SLC10A7: variants seen among roughly 807,000 people sequenced by gnomAD.
SLC10A7 encodes sodium/bile acid cotransporter 7.
Under a neutral mutation model 43.2 loss-of-function variants are expected in SLC10A7, and 29 were observed. The observed-to-expected ratio is 0.67, with a 90% CI of 0.50 to 0.92. The LOEUF (loss-of-function observed/expected upper bound fraction) is 0.92, where lower values mean the gene tolerates loss of function less well. Ranked by LOEUF, SLC10A7 falls within the 40% of genes least tolerant of loss-of-function variation. SLC10A7 has a pLI of 0.00. For synonymous variants in SLC10A7, 152 were observed against 144.8 expected (o/e 1.05, Z -0.35); for missense variants, 295 against 403.2 (o/e 0.73, Z 2.30).
intron 5 of SLC10A7, among the ~76,000 whole-genome samples, chr4:146,437,955 G>A (rs202059336): frequency 1.3e-5 from 2 of 151,784 alleles, no homozygotes; most frequent in South Asian, 2.1e-4. Context: ...ATTCACTAGG[G>A]TTTCCTTTTA....
intron 3 of SLC10A7, 150 bp from the exon 4 acceptor site, chr4:146,504,074 C>T (rs1736669239): frequency 2.8e-6 from 2 of 707,412 alleles, no homozygotes; most frequent in Admixed American, 2.4e-5. Flanking sequence ...CAAGTCTACA[C>T]AAGGCAACGT....
chr4:146,382,244 G>T (rs939363241), intron 5 of SLC10A7, among the ~76,000 whole-genome samples: 8 of 152,138 alleles, frequency 5.3e-5, no homozygotes, highest in African/African-American at 1.9e-4. Context: ...TGTTGACATT[G>T]TTTAATAATT....
chr4:146,304,070 C>T (rs200244484), intron 7 of SLC10A7, among the ~76,000 whole-genome samples: 3 of 124,560 alleles, frequency 2.4e-5, no homozygotes, highest in Admixed American at 8.7e-5. Flanking sequence ...TCATAGAAAA[C>T]AAAAAAAATC....
chr4:146,503,602 G>A (rs1736620073), intron 4 of SLC10A7, among the ~76,000 whole-genome samples: 1 of 152,082 alleles, frequency 6.6e-6, no homozygotes, highest in Non-Finnish European at 1.5e-5. Context: ...TTTCCACTGA[G>A]GTAGAAGAAA....
At chr4:146,366,932 G>A (rs950517159) in intron 5 of SLC10A7, among the ~76,000 whole-genome samples, 19 of 151,916 alleles carry the variant, frequency 1.3e-4, no homozygotes, top group African/African-American at 4.3e-4. Context: ...CACTCATTAG[G>A]GGCAAAGAAA....
At chr4:146,316,515 C>T (rs188928401) in intron 6 of SLC10A7, among the ~76,000 whole-genome samples, 26 of 152,182 alleles carry the variant, frequency 1.7e-4, no homozygotes, top group Admixed American at 1.1e-3. Flanking sequence ...GAAAGCAGGC[C>T]TTTACCAGAC....
At chr4:146,374,064 T>A (rs1346112370) in intron 5 of SLC10A7, among the ~76,000 whole-genome samples, 2 of 152,230 alleles carry the variant, frequency 1.3e-5, no homozygotes, top group Non-Finnish European at 2.9e-5. Flanking sequence ...ACTGGAGTGC[T>A]ATTCATTGGC....
At chr4:146,353,191 A>G (rs1735273004) in intron 5 of SLC10A7, among the ~76,000 whole-genome samples, 1 of 90,266 alleles carries the variant, frequency 1.1e-5, no homozygotes, top group South Asian at 5.6e-4. Context: ...ACAATAAAAA[A>G]TGATAAAGGG....
intron 5 of SLC10A7, among the ~76,000 whole-genome samples, chr4:146,387,048 C>CT (rs1738057519): frequency 6.6e-6 from 1 of 152,188 alleles, no homozygotes; most frequent in Non-Finnish European, 1.5e-5. Context: ...TAGCAACTTT[C>CT]TTTGTAATTT....
chr4:146,343,704 T>C (rs1171383424), intron 5 of SLC10A7, among the ~76,000 whole-genome samples: 1 of 152,004 alleles, frequency 6.6e-6, no homozygotes, highest in African/African-American at 2.4e-5. Flanking sequence ...ACTTTCATGA[T>C]TGTGAAGTAC....
intron 6 of SLC10A7, among the ~76,000 whole-genome samples, chr4:146,310,516 C>T (rs1158936268): frequency 6.6e-6 from 1 of 152,108 alleles, no homozygotes; most frequent in Non-Finnish European, 1.5e-5. Context: ...AGTAGCCATT[C>T]TGACTGGTGT....
chr4:146,340,320 T>C (rs190255310), intron 5 of SLC10A7, among the ~76,000 whole-genome samples: 1 of 151,942 alleles, frequency 6.6e-6, no homozygotes, highest in African/African-American at 2.4e-5. Context: ...AATGGACTTT[T>C]TTTGGTATAA....
intron 5 of SLC10A7, among the ~76,000 whole-genome samples, chr4:146,427,314 G>GAC (rs146737922): frequency 1.3e-5 from 2 of 152,064 alleles, no homozygotes; most frequent in African/African-American, 2.4e-5. Context: ...CACCCTGGGT[G>GAC]ACACACACAC....
chr4:146,325,934 T>C lies in SLC10A7; in HGVS notation c.471+27A>G, dbSNP rs371611536. The C allele has an allele frequency of 2.5e-6, 4 of 1,597,592 alleles. No individual in the cohort carries two copies. The African/African-American group carries it at 4.0e-5, about 16-fold the overall frequency. ...GTTGTAGATAGCTTTTAATAAAATA[T>C]ATTAAAGACAACATCAAAATACTCA... On this transcript the variant is annotated intron_variant, in intron 6 of 11. Coordinates refer to ENST00000335472, the MANE Select transcript of SLC10A7 (RefSeq NM_001029998.6).
chr4:146,322,364 T>TC (rs34494809), intron 6 of SLC10A7, among the ~76,000 whole-genome samples: 1 of 102,614 alleles, frequency 9.7e-6, no homozygotes, highest in Non-Finnish European at 1.9e-5. Flanking sequence ...ATGCTATCCC[T>TC]CCCCCCTCCC....
intron 5 of SLC10A7, among the ~76,000 whole-genome samples, chr4:146,428,085 GA>G (rs1464376652): frequency 1.3e-5 from 2 of 152,100 alleles, no homozygotes; most frequent in African/African-American, 4.8e-5. Context: ...GCTGAGGTGA[GA>G]GGATAGCTTG....
chr4:146,390,221 G>C (rs1738321906), intron 5 of SLC10A7, among the ~76,000 whole-genome samples: 1 of 152,120 alleles, frequency 6.6e-6, no homozygotes, highest in South Asian at 2.1e-4. Flanking sequence ...TTGACAGAAG[G>C]CCATCATGTT....
At chr4:146,343,235 T>C (rs1734390732) in intron 5 of SLC10A7, among the ~76,000 whole-genome samples, 1 of 152,076 alleles carries the variant, frequency 6.6e-6, no homozygotes, top group South Asian at 2.1e-4. Flanking sequence ...TCCCCAGACA[T>C]GACTGCTTGC....
intron 5 of SLC10A7, among the ~76,000 whole-genome samples, chr4:146,336,740 C>A (rs902082158): frequency 2.6e-5 from 4 of 151,846 alleles, no homozygotes; most frequent in African/African-American, 9.7e-5. Context: ...GGATGGAGAT[C>A]AGTGCAGAGG....
Sources: gnomAD v4.1 joint callset for allele counts (sites outside exome capture counted in the v4.1 genomes callset) on GRCh38, gnomAD v4.1.1 for gene constraint, MANE v1.5 for transcripts, NCBI Gene and HGNC (gene_info 2026-07-23, HGNC 2026-07-21) for gene names.